Variants in PCDHGA4 observed in about 807,000 individuals in gnomAD.
The protein encoded by PCDHGA4 is protocadherin gamma-A4.
A neutral mutation model predicts 54.6 loss-of-function variants in PCDHGA4; 38 were observed. The observed-to-expected ratio is 0.70, with a 90% CI of 0.54 to 0.91. The LOEUF (loss-of-function observed/expected upper bound fraction) is 0.91, where lower values mean the gene tolerates loss of function less well. Ranked by LOEUF, PCDHGA4 falls within the 40% of genes least tolerant of loss-of-function variation. PCDHGA4 has a pLI of 0.00. For synonymous variants in PCDHGA4, 511 were observed against 512.9 expected, an observed-to-expected ratio of 1.00 and a Z score of 0.05; for missense variants, 1,298 against 1,220.9, an observed-to-expected ratio of 1.06 and a Z score of -0.94.
In PCDHGA4 at chr5:141,419,962, GCT is replaced by G. The variant is rs1374844110; in HGVS notation, c.2514+62344_2514+62345del. ...TGGTGGCCTTGGCCTTGATTTCTGTGCTCTTTCTCCTCGCGGTGATTCTAGCT... is the reference window on the plus strand; with the variant it reads ...TGGTGGCCTTGGCCTTGATTTCTGTGCTTTCTCCTCGCGGTGATTCTAGCT... On this transcript the variant is annotated intron_variant, in intron 1 of 3. Coordinates refer to ENST00000571252, the MANE Select transcript of PCDHGA4 (RefSeq NM_018917.4). The G allele has an allele frequency of 3.1e-6, 5 of 1,613,974 alleles. No homozygotes were observed. In the African/African-American group the frequency reaches 4.0e-5, roughly 13 times the overall value.
intron 1 of PCDHGA4, chr5:141,399,911 G>A: frequency 6.2e-7 from 1 of 1,612,384 alleles, no homozygotes; most frequent in Non-Finnish European, 8.5e-7. Flanking sequence ...GCAGACTCAG[G>A]ACACAACGCC....
In PCDHGA4 at chr5:141,360,411, A is replaced by G. The variant is rs528127616; in HGVS notation, c.2514+2790A>G. The G allele has an allele frequency of 1.4e-4, 229 of 1,614,036 alleles. 5 individuals carry two copies. In the South Asian group the frequency reaches 2.4e-3, roughly 17 times the overall value. The stretch of plus-strand genomic sequence containing the variant: ...TACTTGTGAGTGACAGAATAGACCG[A>G]GAACAGATATGCGGGAAGCAGCCTC... On this transcript the variant is annotated intron_variant, in intron 1 of 3. Coordinates refer to ENST00000571252, the MANE Select transcript of PCDHGA4 (RefSeq NM_018917.4).
Position 141,355,358 on chromosome 5 carries a change from G to A in PCDHGA4, c.251G>A (p.Gly84Glu). Residue 84 changes from glycine (G) to glutamate (E), a missense_variant, in exon 1 of 4, where the codon GGG becomes GAG. Gly to Glu is a moderately conservative substitution (Grantham distance 98). Coordinates refer to ENST00000571252, the MANE Select transcript of PCDHGA4 (RefSeq NM_018917.4). ...GTGGGCAACATCGCCAAGGACCTGG[G>A]GTTGGCGCCCCGGGAGCTGGCGGAG... is the stretch of plus-strand genomic sequence containing the variant. ...SVVGNIAKDLGLAPRELAERG... is the reference protein window; with the variant it reads ...SVVGNIAKDLELAPRELAERG... 1.2e-6 allele frequency: 2 copies of A among 1,614,048 alleles called. No individual in the cohort carries two copies. The highest frequency in any genetic ancestry group is 1.7e-6 in the Non-Finnish European group (2 of 1,179,920).
intron 1 of PCDHGA4, chr5:141,422,014 C>T (rs1472942387): frequency 1.9e-6 from 3 of 1,610,040 alleles, no homozygotes; most frequent in African/African-American, 1.3e-5. Flanking sequence ...AACTCGGGTG[C>T]TGATGGTTAA....
chr5:141,470,488 T>A (rs2099231812), intron 1 of PCDHGA4, among the ~76,000 whole-genome samples: 2 of 152,234 alleles, frequency 1.3e-5, no homozygotes, highest in South Asian at 4.1e-4. Flanking sequence ...CCTCTGGGAA[T>A]AATATTAGGT....
At chr5:141,392,719 C>T (rs1044889578) in intron 1 of PCDHGA4, 60 of 1,382,980 alleles carry the variant, frequency 4.3e-5, no homozygotes, top group African/African-American at 2.9e-5. Context: ...TCCAGGTTTC[C>T]GGAGGATTGT....
At chr5:141,506,787 G>A (rs55775963) in intron 3 of PCDHGA4, among the ~76,000 whole-genome samples, 1,925 of 152,270 alleles carry the variant, frequency 0.013, 43 homozygotes, top group African/African-American at 0.044. Flanking sequence ...CTTATAAGGA[G>A]GCTGGCAGAG....
intron 1 of PCDHGA4, chr5:141,410,195 G>A (rs769655902): frequency 1.1e-5 from 18 of 1,613,966 alleles, no homozygotes; most frequent in Non-Finnish European, 1.0e-5. Context: ...TCTGGTCTTC[G>A]CAGACAACTT....
At chr5:141,366,701 C>T (rs1764751877) in intron 1 of PCDHGA4, 2 of 1,614,262 alleles carry the variant, frequency 1.2e-6, no homozygotes, top group Non-Finnish European at 1.7e-6. Flanking sequence ...AAGCGAGCCT[C>T]TTCTGATGTC....
chr5:141,360,690 T>C (rs747739176), intron 1 of PCDHGA4: 5 of 1,613,954 alleles, frequency 3.1e-6, no homozygotes, highest in Non-Finnish European at 4.2e-6. Flanking sequence ...AGAAACAGAC[T>C]CCAGATGGTC....
At chr5:141,375,596 G>C (rs574950493) in intron 1 of PCDHGA4, 86 of 1,614,108 alleles carry the variant, frequency 5.3e-5, no homozygotes, top group Non-Finnish European at 6.9e-5. Context: ...GTCCTCCTAC[G>C]TGTCCATCAA....
intron 1 of PCDHGA4, chr5:141,398,830 G>A: frequency 6.2e-7 from 1 of 1,613,946 alleles, no homozygotes; most frequent in Non-Finnish European, 8.5e-7. Flanking sequence ...GGTAACCGAC[G>A]CCAATGATAA....
At chr5:141,404,068 T>C (rs2094481501) in intron 1 of PCDHGA4, 3 of 1,613,782 alleles carry the variant, frequency 1.9e-6, no homozygotes, top group Non-Finnish European at 2.5e-6. Flanking sequence ...TCAATGCTCA[T>C]GACCGAGACT....
chr5:141,394,740 G>A (rs148904388), intron 1 of PCDHGA4: 174 of 1,613,404 alleles, frequency 1.1e-4, no homozygotes, highest in Non-Finnish European at 1.4e-4. Flanking sequence ...GCAGAGCCTC[G>A]TGGTGGCCGT....
chr5:141,417,112 G>T (rs1399534957), intron 1 of PCDHGA4: 3 of 152,030 alleles, frequency 2.0e-5, no homozygotes, highest in African/African-American at 7.3e-5. Flanking sequence ...AGCAATACAG[G>T]ACACCCTGGA....
chr5:141,375,816 C>G, intron 1 of PCDHGA4: 2 of 1,614,194 alleles, frequency 1.2e-6, no homozygotes, highest in South Asian at 2.2e-5. Flanking sequence ...GTGGAGCTGG[C>G]GCCCCGCTCC....
Position 141,511,303 on chromosome 5 carries a change from C to T in PCDHGA4, c.*130C>T, listed in dbSNP as rs2099883709. 2.7e-6 allele frequency: 4 copies of T among 1,490,160 alleles called. No homozygotes were observed. Among genetic ancestry groups the T allele is most frequent in the Non-Finnish European group, 3.6e-6 (4 of 1,116,196 alleles). 92.3% of individuals were successfully genotyped at this position (1,490,160 alleles called of 1,614,324 possible). ...CTGGTAGGGGCCAAGGCCATGCTCC[C>T]CTTGGGAAACAGAAACAAGTGCCCA... On this transcript the variant is annotated 3_prime_UTR_variant, in exon 4 of 4. Coordinates refer to ENST00000571252, the MANE Select transcript of PCDHGA4 (RefSeq NM_018917.4).
In PCDHGA4 at chr5:141,355,505, G is replaced by T; in HGVS notation, c.398G>T (p.Cys133Phe). 6.2e-7 allele frequency: 1 copy of T among 1,614,044 alleles called. No individual in the cohort carries two copies. The highest frequency in any genetic ancestry group is 8.5e-7 in the Non-Finnish European group (1 of 1,179,896). Residue 133 changes from cysteine to phenylalanine, a missense_variant, in exon 1 of 4, where the codon TGT becomes TTT. Cys to Phe is a radical substitution (Grantham distance 205). Transcript: ENST00000571252. ...REELCDRSPN[C>F]VTNLEILLED... ...GAGCTCTGCGACAGATCTCCAAACT[G>T]TGTGACAAACCTGGAGATTCTTCTA... is the stretch of plus-strand genomic sequence containing the variant.
chr5:141,417,533 A>T (rs1253836392), intron 1 of PCDHGA4: 3 of 274,888 alleles, frequency 1.1e-5, no homozygotes, highest in African/African-American at 2.2e-5. Context: ...CTCGTAGTTT[A>T]AAAAAAATTC....
Sources: gnomAD v4.1 joint callset for allele counts (sites outside exome capture counted in the v4.1 genomes callset) on GRCh38, gnomAD v4.1.1 for gene constraint, MANE v1.5 for transcripts, NCBI Gene and HGNC (gene_info 2026-07-23, HGNC 2026-07-21) for gene names.